The following ANO3 variants were observed in gnomAD, a reference collection of about 807,000 sequenced individuals.
The protein encoded by ANO3 is anoctamin-3.
A neutral mutation model predicts 144.8 loss-of-function variants in ANO3; 99 were observed. The observed-to-expected ratio is 0.68, with a 90% CI of 0.58 to 0.81. ANO3 has a LOEUF of 0.81. Among genes scored for constraint, ANO3 ranks in the 30% least tolerant of loss-of-function variants. The pLI, the probability that ANO3 is intolerant of heterozygous loss-of-function variation, is 0.00. For synonymous variants in ANO3, 414 were observed against 392.6 expected (o/e 1.05, Z -0.64); for missense variants, 905 against 1,202.2 (o/e 0.75, Z 3.66).
chr11:26,516,790 T>C (rs765983009), intron 5 of ANO3, 37 bp from the exon 6 acceptor site: 41 of 1,430,978 alleles, frequency 2.9e-5, no homozygotes, highest in Non-Finnish European at 4.0e-5. Flanking sequence ...TCAGCTCTGA[T>C]TCTAAATAAT....
At chr11:26,382,284 A>G (rs1037175198) in intron 1 of ANO3, among the ~76,000 whole-genome samples, 14 of 152,208 alleles carry the variant, frequency 9.2e-5, no homozygotes, top group African/African-American at 2.9e-4. Context: ...AGTAGTATCT[A>G]TACAATGAAT....
chr11:26,523,838 C>A (rs1012975173), intron 6 of ANO3, among the ~76,000 whole-genome samples: 2 of 152,046 alleles, frequency 1.3e-5, no homozygotes. Flanking sequence ...GTGTTTAGTT[C>A]AAATGCCAAC....
chr11:26,541,967 G>A lies in ANO3; in HGVS notation c.1053G>A (p.Gln351=), dbSNP rs1849656636. 6.2e-7 allele frequency: 1 copy of A among 1,611,442 alleles called. No individual in the cohort carries two copies. Among genetic ancestry groups the A allele is most frequent in the Non-Finnish European group, 8.5e-7 (1 of 1,178,570 alleles). Residue 351 remains glutamine, a synonymous_variant, in exon 11 of 27, where the codon CAG becomes CAA. Coordinates refer to ENST00000256737, the MANE Select transcript of ANO3 (RefSeq NM_031418.4). ...PPHEGAYKSS[Q]PIKTHGPQNN... is the part of the protein sequence containing the mutation. ...TGCAGGGAGCCTACAAAAGTAGCCA[G>A]CCCATTAAAACCCATGGACCTCAGA...
At chr11:26,630,912 T>G (rs996548902) in intron 18 of ANO3, among the ~76,000 whole-genome samples, 1 of 152,040 alleles carries the variant, frequency 6.6e-6, no homozygotes, top group African/African-American at 2.4e-5. Context: ...AATAAGAGTT[T>G]CATAGAATCA....
chr11:26,414,128 T>C (rs1857505976), intron 1 of ANO3, among the ~76,000 whole-genome samples: 1 of 152,104 alleles, frequency 6.6e-6, no homozygotes, highest in Admixed American at 6.6e-5. Context: ...AGGAATGCTT[T>C]TACACTGTTG....
At chr11:26,192,263 G>A (rs1361408840) in intron 1 of ANO3, among the ~76,000 whole-genome samples, 2 of 152,098 alleles carry the variant, frequency 1.3e-5, no homozygotes, top group Non-Finnish European at 2.9e-5. Flanking sequence ...ATTTTTAATA[G>A]AGTCAAGTTT....
At chr11:26,358,462 G>A (rs1024182562) in intron 1 of ANO3, among the ~76,000 whole-genome samples, 9 of 152,128 alleles carry the variant, frequency 5.9e-5, no homozygotes, top group African/African-American at 9.7e-5. Context: ...AAGCCACCGC[G>A]CCCGGCCACA....
chr11:26,555,265 T>C (rs915325791), intron 13 of ANO3, among the ~76,000 whole-genome samples: 3 of 152,190 alleles, frequency 2.0e-5, no homozygotes, highest in African/African-American at 7.2e-5. Flanking sequence ...TAAGAGTTAT[T>C]AGATGTATAC....
intron 20 of ANO3, among the ~76,000 whole-genome samples, chr11:26,635,777 C>A (rs1389665854): frequency 6.6e-6 from 1 of 152,094 alleles, no homozygotes; most frequent in Non-Finnish European, 1.5e-5. Context: ...AAGAACAGGG[C>A]ATAGCAATAA....
chr11:26,656,078 G>C (rs749264384), intron 24 of ANO3, 47 bp from the exon 25 acceptor site: 2 of 1,396,536 alleles, frequency 1.4e-6, no homozygotes, highest in Admixed American at 3.5e-5. Flanking sequence ...AATTAGGCTA[G>C]AAACGTATGA....
At chr11:26,457,353 G>T (rs1458177998) in intron 3 of ANO3, among the ~76,000 whole-genome samples, 2 of 144,538 alleles carry the variant, frequency 1.4e-5, no homozygotes, top group Non-Finnish European at 3.1e-5. Context: ...AAAGAAAACA[G>T]ATTTATAGAT....
chr11:26,212,130 C>A (rs1244297122), intron 1 of ANO3, among the ~76,000 whole-genome samples: 1 of 151,946 alleles, frequency 6.6e-6, no homozygotes, highest in Non-Finnish European at 1.5e-5. Flanking sequence ...ATGGGTGCAG[C>A]AAACCACAAT....
chr11:26,597,518 G>A (rs535857170), intron 14 of ANO3, among the ~76,000 whole-genome samples: 15 of 152,250 alleles, frequency 9.9e-5, no homozygotes, highest in African/African-American at 3.4e-4. Flanking sequence ...TGAAGTCAGC[G>A]GTGGGTCTGT....
intron 1 of ANO3, among the ~76,000 whole-genome samples, chr11:26,291,985 G>C (rs12295686): frequency 6.6e-6 from 1 of 152,044 alleles, no homozygotes; most frequent in African/African-American, 2.4e-5. Context: ...GTTCTCCCGG[G>C]TAATATCCTG....
At chr11:26,307,820 C>T (rs1355580003), upstream of ANO3, among the ~76,000 whole-genome samples, 1 of 151,660 alleles carries the variant, frequency 6.6e-6, no homozygotes, top group East Asian at 1.9e-4. Context: ...TTGAATTGCA[C>T]TACGTGTTTT....
chr11:26,427,656 C>G lies in ANO3; in HGVS notation c.47-14262C>G, dbSNP rs889528014. On this transcript the variant is annotated intron_variant, in intron 1 of 26. Transcript: ENST00000256737. Reference sequence around the variant, plus strand: ...AGCAAACAGCTGTTGCACAACAACTCGAGTTAACTTGAATACAACTAGTAA... The same window carrying G: ...AGCAAACAGCTGTTGCACAACAACTGGAGTTAACTTGAATACAACTAGTAA... Among the ~76,000 whole-genome samples the G allele has an allele frequency of 4.6e-5, 7 of 152,118 alleles. No individual in the cohort carries two copies. In the South Asian group the frequency reaches 8.3e-4, roughly 18 times the overall value.
chr11:26,354,601 CTATTT>C (rs2133916721), intron 1 of ANO3, among the ~76,000 whole-genome samples: 1 of 152,216 alleles, frequency 6.6e-6, no homozygotes, highest in African/African-American at 2.4e-5. Context: ...CTCTTTAGCT[CTATTT>C]TTTTTCTGGT....
chr11:26,350,605 A>G (rs1009894307), intron 1 of ANO3, among the ~76,000 whole-genome samples: 2 of 152,104 alleles, frequency 1.3e-5, no homozygotes, highest in Non-Finnish European at 2.9e-5. Flanking sequence ...TCAGTGTTCA[A>G]TCTTTTTTAA....
chr11:26,203,561 A>G (rs1165193997), intron 1 of ANO3, among the ~76,000 whole-genome samples: 1 of 152,112 alleles, frequency 6.6e-6, no homozygotes, highest in Non-Finnish European at 1.5e-5. Context: ...ATAGTCATTG[A>G]TTTGGGGGAG....
Sources: allele counts gnomAD v4.1 joint callset (sites outside exome capture counted in the v4.1 genomes callset), GRCh38; gene constraint gnomAD v4.1.1; transcripts MANE v1.5; gene names NCBI Gene and HGNC (gene_info 2026-07-23, HGNC 2026-07-21).